The following NEDD9 variants were observed in gnomAD, a reference collection of about 807,000 sequenced individuals.
NEDD9 encodes enhancer of filamentation 1.
A neutral mutation model predicts 76.6 loss-of-function variants in NEDD9; 26 were observed. That is an observed-to-expected ratio of 0.34 (90% CI 0.25 to 0.47). The LOEUF is 0.47. Among genes scored for constraint, NEDD9 ranks in the 20% least tolerant of loss-of-function variants. The pLI is 1.00. For missense variants in NEDD9, 937 were observed against 1,058.5 expected, an observed-to-expected ratio of 0.89 and a Z score of 1.59; for synonymous variants, 392 against 414.2, an observed-to-expected ratio of 0.95 and a Z score of 0.65.
At chr6:11,246,772 C>A (rs1759820663) in intron 3 of NEDD9, among the ~76,000 whole-genome samples, 1 of 152,172 alleles carries the variant, frequency 6.6e-6, no homozygotes, top group African/African-American at 2.4e-5. Flanking sequence ...TTCTTTCAAA[C>A]AGAGCTTAGA....
At chr6:11,227,143 C>T (rs1759330674) in intron 1 of NEDD9, among the ~76,000 whole-genome samples, 1 of 152,172 alleles carries the variant, frequency 6.6e-6, no homozygotes, top group South Asian at 2.1e-4. Context: ...AGTATATTAG[C>T]AAGTGGGGTC....
chr6:11,335,497 C>T (rs1025728828), intron 1 of NEDD9, among the ~76,000 whole-genome samples: 10 of 152,168 alleles, frequency 6.6e-5, no homozygotes, highest in African/African-American at 2.2e-4. Context: ...CAACAACACC[C>T]GACTGCACGT....
intron 2 of NEDD9, among the ~76,000 whole-genome samples, chr6:11,310,196 G>C (rs151238565): frequency 6.6e-6 from 1 of 152,164 alleles, no homozygotes; most frequent in African/African-American, 2.4e-5. Flanking sequence ...CATTAGTATG[G>C]CACATCTGGC....
At chr6:11,250,729 G>A (rs1581983321) in intron 3 of NEDD9, among the ~76,000 whole-genome samples, 2 of 152,278 alleles carry the variant, frequency 1.3e-5, no homozygotes, top group South Asian at 2.1e-4. Flanking sequence ...TGGCTTAGGC[G>A]CAGAGCCCCA....
Position 11,193,635 on chromosome 6 carries a change from G to T in NEDD9, c.517C>A (p.Gln173Lys). 6.2e-7 allele frequency: 1 copy of T among 1,613,930 alleles called. No individual in the cohort carries two copies. The highest frequency in any genetic ancestry group is 8.5e-7 in the Non-Finnish European group (1 of 1,179,874). ...GYVYEYPSRY[Q>K]KDVYDIPPSH... ...GGAGGGATATCATAGACGTCCTTTT[G>T]GTATCTGGATGGGTACTCGTATACG... Residue 173 changes from glutamine (Q) to lysine (K), a missense_variant, in exon 3 of 7, where the codon CAA (glutamine) becomes AAA (lysine). By Grantham distance (53) the Gln-to-Lys change is moderately conservative. Transcript: ENST00000379446.
intron 1 of NEDD9, among the ~76,000 whole-genome samples, chr6:11,345,451 C>T (rs1458221076): frequency 1.3e-5 from 2 of 151,566 alleles, no homozygotes; most frequent in African/African-American, 4.9e-5. Context: ...AGCAAGACAG[C>T]AGGTGAGAGA....
At chr6:11,379,314 G>A (rs1257893490) in intron 1 of NEDD9, among the ~76,000 whole-genome samples, 2 of 152,160 alleles carry the variant, frequency 1.3e-5, no homozygotes, top group Non-Finnish European at 2.9e-5. Flanking sequence ...TGGGCCGGGC[G>A]CAGTGGCTCA....
chr6:11,233,358 G>T (rs1423068264), upstream of NEDD9: 23 of 518,912 alleles, frequency 4.4e-5, no homozygotes, highest in Non-Finnish European at 8.1e-5. Context: ...CCTCAGAGTT[G>T]CGGGTCACAC....
intron 3 of NEDD9, among the ~76,000 whole-genome samples, chr6:11,238,872 C>A (rs186908954): frequency 2.4e-4 from 37 of 152,306 alleles, no homozygotes; most frequent in African/African-American, 8.7e-4. Flanking sequence ...TTAAAGTGAT[C>A]TTCATGGCTG....
intron 3 of NEDD9, among the ~76,000 whole-genome samples, chr6:11,238,017 C>T (rs1392181735): frequency 6.6e-6 from 1 of 152,218 alleles, no homozygotes; most frequent in Non-Finnish European, 1.5e-5. Context: ...GAGGCAGCAA[C>T]TTTTCCAGTC....
chr6:11,247,994 G>A (rs1017547948), intron 3 of NEDD9, among the ~76,000 whole-genome samples: 2 of 151,922 alleles, frequency 1.3e-5, no homozygotes, highest in Non-Finnish European at 2.9e-5. Context: ...TTTGATTTAG[G>A]CCAGGTATAT....
chr6:11,218,014 G>A (rs570330453), intron 1 of NEDD9, among the ~76,000 whole-genome samples: 2 of 152,320 alleles, frequency 1.3e-5, no homozygotes, highest in East Asian at 3.9e-4. Context: ...ATGTTCCAAA[G>A]AGATTTGTCC....
chr6:11,326,790 C>T (rs747562947), intron 2 of NEDD9, among the ~76,000 whole-genome samples: 74 of 152,218 alleles, frequency 4.9e-4, no homozygotes, highest in Non-Finnish European at 7.8e-4. Context: ...TTCCTTCCCC[C>T]TCCACTCAGG....
chr6:11,370,664 G>A lies in NEDD9; in HGVS notation c.-214+11475C>T, dbSNP rs778527223. ...CTTCTTTCCCTGCCTGGTAGCACCCGTCCCTCACGCTCACTGGATGATCCA... is the reference window on the plus strand; with the variant it reads ...CTTCTTTCCCTGCCTGGTAGCACCCATCCCTCACGCTCACTGGATGATCCA... On this transcript the variant is annotated intron_variant, in intron 1 of 3. Coordinates refer to the NEDD9 transcript ENST00000397378. This position sits in a 1 kb window ranked among gnomAD's most constrained non-coding sequence, Gnocchi z 4.2. Among the ~76,000 whole-genome samples, 2 of 152,150 alleles carry A rather than the reference G, an allele frequency of 1.3e-5. No homozygotes were observed. Among genetic ancestry groups the A allele is most frequent in the Admixed American group, 6.5e-5 (1 of 15,280 alleles).
chr6:11,360,840 T>A (rs538304789), intron 1 of NEDD9, among the ~76,000 whole-genome samples: 1 of 152,328 alleles, frequency 6.6e-6, no homozygotes, highest in South Asian at 2.1e-4. Flanking sequence ...CTTGCCTACA[T>A]GCAGAATTCA....
chr6:11,296,679 C>CCCTTCCTTCCTTCCTTCCTTCCTT (rs529125193), intron 3 of NEDD9, among the ~76,000 whole-genome samples: 13 of 92,852 alleles, frequency 1.4e-4, no homozygotes, highest in Middle Eastern at 5.1e-3. Flanking sequence ...CCTTTCCTTT[C>CCCTTCCTTCCTTCCTTCCTTCCTT]CCTTCCTTCC....
At chr6:11,313,419 AGATG>A (rs1259277692) in intron 2 of NEDD9, among the ~76,000 whole-genome samples, 2 of 134,022 alleles carry the variant, frequency 1.5e-5, no homozygotes, top group Admixed American at 1.6e-4. Context: ...ATAGATGAAT[AGATG>A]GATGGGTGGG....
At chr6:11,203,653 G>A (rs1758520521) in intron 2 of NEDD9, among the ~76,000 whole-genome samples, 1 of 152,200 alleles carries the variant, frequency 6.6e-6, no homozygotes, top group South Asian at 2.1e-4. Context: ...AGAAAACAAT[G>A]AGTTCCAGGA....
chr6:11,351,218 TGACCAG>T (rs1762462286), intron 1 of NEDD9, among the ~76,000 whole-genome samples: 1 of 152,006 alleles, frequency 6.6e-6, no homozygotes, highest in Non-Finnish European at 1.5e-5. Context: ...GAGGGCCAAG[TGACCAG>T]GACCAGGACC....
Sources: gnomAD v4.1 joint callset for allele counts (sites outside exome capture counted in the v4.1 genomes callset) on GRCh38, gnomAD v4.1.1 for gene constraint, Gnocchi (gnomAD v3.1) non-coding constraint, MANE v1.5 for transcripts, NCBI Gene and HGNC (gene_info 2026-07-23, HGNC 2026-07-21) for gene names.